Variants in NRTN observed in about 807,000 individuals in gnomAD.
The protein encoded by NRTN is neurturin, also known as prepro-neurturin.
Under a neutral mutation model 7.5 loss-of-function variants are expected in NRTN, and 3 were observed. That is an observed-to-expected ratio of 0.40 (90% CI 0.18 to 1.03). The LOEUF is 1.03. NRTN is among the 50% of genes least tolerant of loss of function. The probability of loss-of-function intolerance (pLI) is 0.34; values close to 1 mark genes in which losing one functional copy is unlikely to be tolerated. For synonymous variants in NRTN, 157 were observed against 146.6 expected, an observed-to-expected ratio of 1.07 and a Z score of -0.51; for missense variants, 310 against 307.0, an observed-to-expected ratio of 1.01 and a Z score of -0.07.
intron 1 of NRTN, among the ~76,000 whole-genome samples, chr19:5,817,157 G>A (rs1171461997): frequency 1.3e-5 from 2 of 151,854 alleles, no homozygotes; most frequent in African/African-American, 4.8e-5. Flanking sequence ...GCAACACAGT[G>A]AAACCCAGTT....
chr19:5,812,556 C>T (rs2056993532), intron 1 of NRTN, among the ~76,000 whole-genome samples: 1 of 152,370 alleles, frequency 6.6e-6, no homozygotes, highest in Non-Finnish European at 1.5e-5. Context: ...GCCAGATGTT[C>T]CTGGTTTGCC....
At chr19:5,817,628 AGAAGGCAGGCAGGC>A (rs930374620) in intron 1 of NRTN, among the ~76,000 whole-genome samples, 13 of 63,818 alleles carry the variant, frequency 2.0e-4, no homozygotes, top group Non-Finnish European at 4.1e-4. Flanking sequence ...AAGAAAAAGA[AGAAGGCAGGCAGGC>A]AGGCAGGCAG....
At chr19:5,819,560 G>A (rs2057016308) in intron 1 of NRTN, among the ~76,000 whole-genome samples, 2 of 152,216 alleles carry the variant, frequency 1.3e-5, no homozygotes, top group Non-Finnish European at 2.9e-5. Flanking sequence ...CTACTTGGGA[G>A]GCTGAAGCAG....
At chr19:5,822,381 C>T (rs930742830) in intron 1 of NRTN, among the ~76,000 whole-genome samples, 7 of 152,178 alleles carry the variant, frequency 4.6e-5, no homozygotes, top group Admixed American at 1.3e-4. Flanking sequence ...TACACCTGGC[C>T]GGCCGCCAGG....
chr19:5,818,555 CCT>C (rs1491232289), intron 1 of NRTN, among the ~76,000 whole-genome samples: 3 of 151,950 alleles, frequency 2.0e-5, no homozygotes, highest in Non-Finnish European at 2.9e-5. Flanking sequence ...CCTGTGTACC[CCT>C]GTGTGTGTGG....
chr19:5,827,563 G>C (rs922425123), intron 2 of NRTN, among the ~76,000 whole-genome samples, 186 bp from the exon 3 acceptor site: 2 of 152,132 alleles, frequency 1.3e-5, no homozygotes, highest in Non-Finnish European at 2.9e-5. Flanking sequence ...GTGCCGCCCA[G>C]AGAGGGTGCA....
chr19:5,811,368 G>A (rs1054454175), intron 1 of NRTN, among the ~76,000 whole-genome samples: 2 of 152,188 alleles, frequency 1.3e-5, no homozygotes, highest in African/African-American at 4.8e-5. Flanking sequence ...TCCCAGCTCA[G>A]CCACTTAGGT....
At position 5,806,133 on chromosome 19, in the gene NRTN, C is replaced by T. The variant is rs1194344169; in HGVS notation, c.-399+682C>T. ...CTTTCCTGCTTTTTATAAAAGGTGT[C>T]TCCTGCACGGGGATAGCCCCGAATT... is the stretch of plus-strand genomic sequence containing the variant. On this transcript the variant is annotated intron_variant, in intron 1 of 2. Transcript: ENST00000303212. The surrounding 1 kb of genome is among the most constrained non-coding windows in gnomAD (Gnocchi z 5.4). Among the ~76,000 whole-genome samples the T allele has an allele frequency of 3.9e-5, 6 of 152,136 alleles. No homozygotes were observed. The East Asian group carries it at 1.2e-3, about 29-fold the overall frequency.
intron 1 of NRTN, among the ~76,000 whole-genome samples, chr19:5,817,796 G>A (rs2057010656): frequency 6.6e-6 from 1 of 152,094 alleles, no homozygotes; most frequent in Non-Finnish European, 1.5e-5. Context: ...GAATGTGGGA[G>A]TGTTTTGTTT....
At chr19:5,818,080 C>T (rs1436721053) in intron 1 of NRTN, among the ~76,000 whole-genome samples, 2 of 152,172 alleles carry the variant, frequency 1.3e-5, no homozygotes, top group African/African-American at 4.8e-5. Flanking sequence ...TCTCCTGCCT[C>T]AGCTTCCCGA....
intron 1 of NRTN, among the ~76,000 whole-genome samples, chr19:5,816,730 T>G (rs1258628931): frequency 2.0e-5 from 3 of 152,144 alleles, no homozygotes; most frequent in African/African-American, 7.2e-5. Flanking sequence ...TTGCCCAGGT[T>G]GGTCTCAAAC....
intron 1 of NRTN, among the ~76,000 whole-genome samples, chr19:5,818,136 G>A (rs191442274): frequency 3.3e-4 from 50 of 152,142 alleles, no homozygotes; most frequent in African/African-American, 1.2e-3. Flanking sequence ...GCTAATTTTT[G>A]TATTTTTAGT....
intron 1 of NRTN, among the ~76,000 whole-genome samples, chr19:5,807,427 G>T (rs972118506): frequency 2.6e-5 from 4 of 152,204 alleles, no homozygotes; most frequent in Non-Finnish European, 5.9e-5. Context: ...GGGCCTCAAG[G>T]TGGAGGTGGT....
At position 5,826,072 on chromosome 19, in the gene NRTN, T is replaced by A. The variant is rs144970486; in HGVS notation, c.170-1677T>A. Among the ~76,000 whole-genome samples the A allele has an allele frequency of 7.1e-3, 1,079 of 151,984 alleles. 12 individuals are homozygous for A. The highest frequency in any genetic ancestry group is 0.025 in the African/African-American group (1,029 of 41,432). On this transcript the variant is annotated intron_variant, in intron 2 of 2. Coordinates refer to ENST00000303212, the MANE Select transcript of NRTN (RefSeq NM_004558.5). ...ATGGCGTGAACCCGGGAGGCGGAGC[T>A]TGCAGTGAGCCGAGATCGCGCCACT...
At chr19:5,819,253 G>A (rs1312167938) in intron 1 of NRTN, among the ~76,000 whole-genome samples, 3 of 152,018 alleles carry the variant, frequency 2.0e-5, no homozygotes, top group African/African-American at 4.8e-5. Context: ...GCAGCCAGGC[G>A]CAGTGGCTCA....
intron 1 of NRTN, among the ~76,000 whole-genome samples, chr19:5,816,058 A>T (rs57800928): frequency 0.053 from 8,085 of 151,780 alleles, 816 homozygotes; most frequent in African/African-American, 0.19. Flanking sequence ...GGTGTCTTTT[A>T]AAAATTTATT....
At position 5,828,137 on chromosome 19, in the gene NRTN, G is replaced by A. The variant is rs1205798478; in HGVS notation, c.558G>A (p.Val186=). 1 of 1,530,160 alleles carries A rather than the reference G, an allele frequency of 6.5e-7. No homozygotes were observed. Among genetic ancestry groups the A allele is most frequent in the East Asian group, 2.5e-5 (1 of 40,040 alleles). The allele number at this position is 1,530,160 out of a possible 1,614,324, so 94.8% of individuals were successfully genotyped here. A position where few individuals can be genotyped will look rare whatever the true frequency, so the allele number is the denominator to read the frequency against. ...FLDAHSRYHT[V]HELSARECAC... is the part of the protein sequence containing the mutation. ...ACGCGCACAGCCGCTACCACACGGT[G>A]CACGAGCTGTCGGCGCGCGAGTGCG... The change falls in exon 3 of 3, where the codon GTG becomes GTA. Residue 186 remains valine (V), a synonymous_variant. Coordinates refer to ENST00000303212, the MANE Select transcript of NRTN (RefSeq NM_004558.5).
At chr19:5,809,555 G>A (rs550475682) in intron 1 of NRTN, among the ~76,000 whole-genome samples, 2 of 151,888 alleles carry the variant, frequency 1.3e-5, no homozygotes, top group Non-Finnish European at 1.5e-5. Flanking sequence ...CTGTCTCCCC[G>A]ACTGGATGGT....
rs943674155 is a variant in NRTN at position 5,805,081 on chromosome 19, A to C, written c.-769A>C. On this transcript the variant is annotated 5_prime_UTR_variant, in exon 1 of 3. Transcript: ENST00000303212. ...GCGGGACGGGCGGAGGCGGCGGGAG[A>C]GCGCGCCCTGAAGCCGCTCCGAGTG... Among the ~76,000 whole-genome samples, 3 of 144,642 alleles carry C rather than the reference A, an allele frequency of 2.1e-5. No individual in the cohort carries two copies. The highest frequency in any genetic ancestry group is 7.5e-5 in the African/African-American group (3 of 39,748). 94.9% of individuals were successfully genotyped at this position (144,642 alleles called of 152,430 possible).
Sources: gnomAD v4.1 joint callset for allele counts (sites outside exome capture counted in the v4.1 genomes callset) on GRCh38, gnomAD v4.1.1 for gene constraint, Gnocchi (gnomAD v3.1) non-coding constraint, MANE v1.5 for transcripts, NCBI Gene and HGNC (gene_info 2026-07-23, HGNC 2026-07-21) for gene names.